CLVS2: variants seen among roughly 807,000 people sequenced by gnomAD.
The protein encoded by CLVS2 is clavesin-2.
A neutral mutation model predicts 29.0 loss-of-function variants in CLVS2; 19 were observed. The ratio of observed to expected loss-of-function variants is 0.66; its 90% CI spans 0.46 to 0.96. CLVS2 has a LOEUF of 0.96. Among genes scored for constraint, CLVS2 ranks in the 40% least tolerant of loss-of-function variants. The pLI is 0.00. For synonymous variants in CLVS2, 161 were observed against 151.3 expected (o/e 1.06, Z -0.47); for missense variants, 294 against 404.1 (o/e 0.73, Z 2.34).
At chr6:123,024,687 T>C (rs1283737140) in intron 3 of CLVS2, among the ~76,000 whole-genome samples, 2 of 152,112 alleles carry the variant, frequency 1.3e-5, no homozygotes, top group Non-Finnish European at 1.5e-5. Context: ...AGATATCTAA[T>C]GTATTAGAGA....
chr6:123,025,614 G>C (rs1774990084), intron 3 of CLVS2, among the ~76,000 whole-genome samples: 1 of 152,152 alleles, frequency 6.6e-6, no homozygotes, highest in African/African-American at 2.4e-5. Flanking sequence ...GCTGCTGATA[G>C]CTCAAGCTGA....
intron 3 of CLVS2, among the ~76,000 whole-genome samples, chr6:123,045,610 C>T (rs943924815): frequency 6.6e-6 from 1 of 152,194 alleles, no homozygotes; most frequent in African/African-American, 2.4e-5. Context: ...AGAACTCTCC[C>T]ATTTAGAATG....
At chr6:123,019,208 C>A (rs565341495) in intron 3 of CLVS2, among the ~76,000 whole-genome samples, 1 of 152,076 alleles carries the variant, frequency 6.6e-6, no homozygotes, top group South Asian at 2.1e-4. Flanking sequence ...ACAGGGGAGG[C>A]TGAAAAATTG....
intron 4 of CLVS2, among the ~76,000 whole-genome samples, chr6:123,052,043 A>G (rs1234783394): frequency 2.6e-5 from 4 of 152,154 alleles, no homozygotes; most frequent in African/African-American, 9.7e-5. Context: ...ATATTTTTTC[A>G]ACAAATCTTG....
rs541963204 is a variant in CLVS2 at position 123,049,808 on chromosome 6, G to GT, written c.675+1076_675+1077insT. Among the ~76,000 whole-genome samples, 757 of 139,052 alleles carry GT rather than the reference G, an allele frequency of 5.4e-3. 16 individuals are homozygous for GT. The highest frequency in any genetic ancestry group is 8.3e-3 in the Non-Finnish European group (547 of 66,200). 91.2% of individuals were successfully genotyped at this position (139,052 alleles called of 152,430 possible). A position where few individuals can be genotyped will look rare whatever the true frequency, so the allele number is the denominator to read the frequency against. ...ACACCGGGGCCTGTTGTGGGATGGG[G>GT]GGCGGGGAGGAATAGCATTAGGAGA... On this transcript the variant is annotated intron_variant, in intron 4 of 5. Coordinates refer to ENST00000275162, the MANE Select transcript of CLVS2 (RefSeq NM_001010852.4).
At chr6:123,025,891 C>G (rs1000637434) in intron 3 of CLVS2, among the ~76,000 whole-genome samples, 1 of 152,088 alleles carries the variant, frequency 6.6e-6, no homozygotes, top group African/African-American at 2.4e-5. Flanking sequence ...TGAGATCACT[C>G]CCTGATAAAA....
chr6:123,057,779 C>T (rs979374455), intron 5 of CLVS2, among the ~76,000 whole-genome samples: 2 of 152,200 alleles, frequency 1.3e-5, no homozygotes, highest in South Asian at 2.1e-4. Flanking sequence ...CTCTAATTTT[C>T]CACTAGTTAG....
At chr6:123,027,556 C>G (rs1387840690) in intron 3 of CLVS2, among the ~76,000 whole-genome samples, 1 of 152,148 alleles carries the variant, frequency 6.6e-6, no homozygotes, top group Non-Finnish European at 1.5e-5. Context: ...TAGCCTGCCC[C>G]TGTTCAGTCT....
intron 3 of CLVS2, among the ~76,000 whole-genome samples, chr6:123,014,419 T>C (rs944627379): frequency 5.9e-5 from 9 of 152,204 alleles, no homozygotes; most frequent in African/African-American, 2.2e-4. Context: ...CATTATTATA[T>C]ATATTCATAC....
At chr6:123,056,666 G>T (rs927548636) in intron 5 of CLVS2, among the ~76,000 whole-genome samples, 1 of 152,174 alleles carries the variant, frequency 6.6e-6, no homozygotes, top group African/African-American at 2.4e-5. Flanking sequence ...TTTTGAGGGG[G>T]TGCCTTAGGC....
intron 3 of CLVS2, among the ~76,000 whole-genome samples, chr6:123,031,844 T>G (rs1319578712): frequency 6.6e-6 from 1 of 152,110 alleles, no homozygotes; most frequent in Non-Finnish European, 1.5e-5. Flanking sequence ...CTTGGTCTTA[T>G]TTTTCTTTCT....
rs554424599 is a variant in CLVS2 at position 123,006,006 on chromosome 6, G to C, written c.390-4979G>C. On this transcript the variant is annotated intron_variant, in intron 2 of 5. Coordinates refer to ENST00000275162, the MANE Select transcript of CLVS2 (RefSeq NM_001010852.4). ...CGAACAGTATTTGGTGCTGAAGATA[G>C]AAAGTGGTATCAAACAGTGAAAGAG... Among the ~76,000 whole-genome samples the C allele has an allele frequency of 8.5e-5, 13 of 152,310 alleles. No homozygotes were observed. The South Asian group carries it at 2.5e-3, about 29-fold the overall frequency.
At chr6:123,042,632 A>G (rs758250729) in intron 3 of CLVS2, among the ~76,000 whole-genome samples, 11 of 152,226 alleles carry the variant, frequency 7.2e-5, no homozygotes, top group Non-Finnish European at 1.2e-4. Flanking sequence ...CATTCCAATT[A>G]GCTGGTAATT....
intron 3 of CLVS2, among the ~76,000 whole-genome samples, chr6:123,015,462 T>A (rs946827742): frequency 3.3e-5 from 5 of 152,098 alleles, no homozygotes; most frequent in Non-Finnish European, 5.9e-5. Context: ...GAGTTTAAGA[T>A]GCTTAATCAA....
intron 3 of CLVS2, among the ~76,000 whole-genome samples, chr6:123,016,642 G>A (rs1026596780): frequency 6.6e-6 from 1 of 151,996 alleles, no homozygotes; most frequent in Admixed American, 6.6e-5. Context: ...CTGTAACAAG[G>A]GATTGAATAG....
At chr6:123,024,880 T>G (rs757737104) in intron 3 of CLVS2, among the ~76,000 whole-genome samples, 2 of 152,056 alleles carry the variant, frequency 1.3e-5, no homozygotes, top group Non-Finnish European at 2.9e-5. Flanking sequence ...CATGTGTTCC[T>G]AGGAGAAATA....
At chr6:123,013,615 C>A (rs1582646354) in intron 3 of CLVS2, among the ~76,000 whole-genome samples, 1 of 151,870 alleles carries the variant, frequency 6.6e-6, no homozygotes, top group East Asian at 1.9e-4. Flanking sequence ...ACCTATCAAT[C>A]CACATCATAA....
chr6:123,029,745 G>A lies in CLVS2; in HGVS notation c.564+18586G>A, dbSNP rs969990971. On this transcript the variant is annotated intron_variant, in intron 3 of 5. Coordinates refer to ENST00000275162, the MANE Select transcript of CLVS2 (RefSeq NM_001010852.4). The stretch of plus-strand genomic sequence containing the variant: ...TGATAGATAAATCTAGCATCCCTAT[G>A]ATAAAGAATGTATTAAACAGGGGAA... 7.2e-5 allele frequency among the ~76,000 whole-genome samples: 11 copies of A among 152,132 alleles called. No individual in the cohort carries two copies. The South Asian group carries it at 1.0e-3, about 14-fold the overall frequency.
rs559170724 is a variant in CLVS2 at position 122,996,365 on chromosome 6, G to A, written c.-941G>A. The A allele has an allele frequency of 1.3e-5, 2 of 152,380 alleles. No homozygotes were observed. Among genetic ancestry groups the A allele is most frequent in the South Asian group, 2.1e-4 (1 of 4,826 alleles). The allele number at this position is 152,380 out of a possible 1,614,324, so 9.4% of individuals were successfully genotyped here. A position where few individuals can be genotyped will look rare whatever the true frequency, so the allele number is the denominator to read the frequency against. ...GCCGCCCCGCTGCGCCCACCTCCCC[G>A]GCTGCTCCCGGAGGGCTCACAAAGG... On this transcript the variant is annotated 5_prime_UTR_variant, in exon 1 of 6. Coordinates refer to ENST00000275162, the MANE Select transcript of CLVS2 (RefSeq NM_001010852.4).
Sources: allele counts gnomAD v4.1 joint callset (sites outside exome capture counted in the v4.1 genomes callset), GRCh38; gene constraint gnomAD v4.1.1; transcripts MANE v1.5; gene names NCBI Gene and HGNC (gene_info 2026-07-23, HGNC 2026-07-21).